The following ATG7 variants were observed in gnomAD, a reference collection of about 807,000 sequenced individuals.
The protein encoded by ATG7 is autophagy related 7.
In ATG7, 70 loss-of-function variants were observed where a neutral mutation model predicts 82.4. That is an observed-to-expected ratio of 0.85 (90% CI 0.70 to 1.04). ATG7 has a LOEUF of 1.04. Ranked by LOEUF, ATG7 falls within the 50% of genes least tolerant of loss-of-function variation. The pLI is 0.00. For synonymous variants in ATG7, 287 were observed against 313.0 expected (o/e 0.92, Z 0.88); for missense variants, 792 against 864.3 (o/e 0.92, Z 1.05).
chr3:11,349,926 G>A (rs2075415255), intron 14 of ATG7, among the ~76,000 whole-genome samples: 1 of 152,130 alleles, frequency 6.6e-6, no homozygotes, highest in African/African-American at 2.4e-5. Context: ...TTAAAATCTT[G>A]ACAGTTTTCT....
intron 20 of ATG7, among the ~76,000 whole-genome samples, chr3:11,480,499 C>T (rs1574920131): frequency 6.6e-6 from 1 of 151,962 alleles, no homozygotes; most frequent in Non-Finnish European, 1.5e-5. Flanking sequence ...CGGCAGGGGG[C>T]CGAGGCTGTA....
At chr3:11,527,800 T>C (rs569848316) in intron 20 of ATG7, among the ~76,000 whole-genome samples, 1 of 152,270 alleles carries the variant, frequency 6.6e-6, no homozygotes, top group Admixed American at 6.5e-5. Flanking sequence ...GTTACAGTTA[T>C]ATAAGGCCTT....
At position 11,557,504 on chromosome 3, in the gene ATG7, C is replaced by T. The variant is rs1230282983; in HGVS notation, c.*2661C>T. 7.2e-5 allele frequency: 11 copies of T among 152,636 alleles called. No homozygotes were observed. The highest frequency in any genetic ancestry group is 4.1e-4 in the South Asian group (2 of 4,822). The allele number at this position is 152,636 out of a possible 1,614,324, so 9.5% of individuals were successfully genotyped here. A position where few individuals can be genotyped will look rare whatever the true frequency, so the allele number is the denominator to read the frequency against. ...GCAGCCAAACTCCAGCATCCCACAC[C>T]GCAGCTGACCCACTGCTCATCGCGA... On this transcript the variant is annotated 3_prime_UTR_variant, in exon 21 of 21. Transcript: ENST00000693202.
At chr3:11,277,603 C>T (rs1210078122) in intron 1 of ATG7, among the ~76,000 whole-genome samples, 3 of 152,056 alleles carry the variant, frequency 2.0e-5, no homozygotes, top group African/African-American at 2.4e-5. Flanking sequence ...AGGGGGTGTG[C>T]GAACAGGGAG....
chr3:11,401,617 C>G (rs1345469846), intron 19 of ATG7, among the ~76,000 whole-genome samples: 2 of 152,172 alleles, frequency 1.3e-5, no homozygotes, highest in Non-Finnish European at 1.5e-5. Flanking sequence ...TAGCATGTAT[C>G]ATGCACAGAA....
rs754198447 is a variant in ATG7, at chr3:11,554,861, G to GCTGA, written c.*21_*24dup. On this transcript the variant is annotated 3_prime_UTR_variant, in exon 21 of 21. Coordinates refer to ENST00000693202, the MANE Select transcript of ATG7 (RefSeq NM_001349232.2). ...CCATCTGAGATGGCCCCGCTGTGGGGCTGACTTCTCCCCGGCCGCCTGCTG... is the reference window on the plus strand; with the variant it reads ...CCATCTGAGATGGCCCCGCTGTGGGGCTGACTGACTTCTCCCCGGCCGCCTGCTG... The GCTGA allele has an allele frequency of 1.1e-5, 17 of 1,611,780 alleles. No individual in the cohort carries two copies. In the African/African-American group the frequency reaches 2.1e-4, roughly 20 times the overall value.
chr3:11,309,590 T>C (rs906314908), intron 7 of ATG7, among the ~76,000 whole-genome samples: 3 of 151,886 alleles, frequency 2.0e-5, no homozygotes, highest in African/African-American at 7.3e-5. Flanking sequence ...GGGTAGGATG[T>C]AGATGGAAGG....
At chr3:11,506,013 T>C (rs77795420) in intron 20 of ATG7, among the ~76,000 whole-genome samples, 5,724 of 152,304 alleles carry the variant, frequency 0.038, 359 homozygotes, top group African/African-American at 0.13. Context: ...CGTAAAGTCA[T>C]GTATTCATAT....
At chr3:11,560,829 G>C (rs879494461), downstream of ATG7, among the ~76,000 whole-genome samples, 8 of 152,144 alleles carry the variant, frequency 5.3e-5, no homozygotes, top group Non-Finnish European at 1.2e-4. Context: ...GAGAGAACCC[G>C]GGCAGGTGGA....
At chr3:11,392,730 C>CA (rs1331395514) in intron 19 of ATG7, among the ~76,000 whole-genome samples, 1 of 152,100 alleles carries the variant, frequency 6.6e-6, no homozygotes, top group Non-Finnish European at 1.5e-5. Context: ...CAACAGGCTT[C>CA]ATTTAGGAAA....
chr3:11,555,586 T>TG lies in ATG7; in HGVS notation c.*747dup, dbSNP rs2072327385. The TG allele has an allele frequency of 6.6e-6, 1 of 152,192 alleles. No homozygotes were observed. The highest frequency in any genetic ancestry group is 1.9e-4 in the East Asian group (1 of 5,188). The allele number at this position is 152,192 out of a possible 1,614,324, so 9.4% of individuals were successfully genotyped here. On this transcript the variant is annotated 3_prime_UTR_variant, in exon 21 of 21. Transcript: ENST00000693202. Reference sequence around the variant, plus strand: ...GGGCAGATCCTGGCAGCTGCCTGGATGGGGCTCCTCCCTGCCCTTATGAGC... The same window carrying TG: ...GGGCAGATCCTGGCAGCTGCCTGGATGGGGGCTCCTCCCTGCCCTTATGAGC...
In ATG7 at chr3:11,288,157, A is replaced by G. The variant is rs148336341; in HGVS notation, c.-11+5719A>G. 4.0e-3 allele frequency among the ~76,000 whole-genome samples: 613 copies of G among 152,346 alleles called. 5 individuals carry two copies. The highest frequency in any genetic ancestry group is 0.014 in the African/African-American group (579 of 41,588). On this transcript the variant is annotated intron_variant, in intron 3 of 20. Transcript: ENST00000693202. The stretch of plus-strand genomic sequence containing the variant: ...TGCCTGATACAGCAATCCTTTGTGC[A>G]GTATTACGTGGCAAATAATCATCCA...
At chr3:11,363,090 G>C (rs2076383110) in intron 17 of ATG7, 162 bp downstream of exon 17, 1 of 607,502 alleles carries the variant, frequency 1.6e-6, no homozygotes, top group Non-Finnish European at 2.9e-6. Flanking sequence ...TCTTTGGGCT[G>C]AGATAACTTG....
chr3:11,429,469 C>G (rs1222826487), intron 20 of ATG7, among the ~76,000 whole-genome samples: 4 of 152,006 alleles, frequency 2.6e-5, no homozygotes, highest in Admixed American at 2.6e-4. Flanking sequence ...GCACTCCAGC[C>G]TGGGCGACAG....
intron 18 of ATG7, among the ~76,000 whole-genome samples, 179 bp from the exon 19 acceptor site, chr3:11,379,793 T>G (rs1275350077): frequency 2.0e-5 from 3 of 152,230 alleles, no homozygotes; most frequent in Non-Finnish European, 1.5e-5. Flanking sequence ...AATATAGTTC[T>G]TCTGCAAACT....
chr3:11,571,919 A>G, the ATG7 span, among the ~76,000 whole-genome samples: 11,659 of 152,136 alleles, frequency 0.077, 943 homozygotes, highest in African/African-American at 0.2. Context: ...CCAGCCTGGG[A>G]AACATGGCAA....
chr3:11,476,086 G>A (rs1374868459), intron 20 of ATG7, among the ~76,000 whole-genome samples: 1 of 152,164 alleles, frequency 6.6e-6, no homozygotes, highest in East Asian at 1.9e-4. Context: ...GTGTTTATGT[G>A]TGCACAGAAA....
chr3:11,276,315 C>A lies in ATG7; in HGVS notation c.-366+3885C>A, dbSNP rs545014913. Among the ~76,000 whole-genome samples the A allele has an allele frequency of 2.0e-5, 3 of 152,312 alleles. 1 individual carries two copies. The highest frequency in any genetic ancestry group is 2.0e-4 in the Admixed American group (3 of 15,298). On this transcript the variant is annotated intron_variant, in intron 1 of 20. Transcript: ENST00000693202. ...AAATGGTGTTTTAAGACTAAGTCCT[C>A]TATTTGTGCTTGAGATCCCATCGCC...
intron 19 of ATG7, among the ~76,000 whole-genome samples, chr3:11,388,212 G>A (rs1272236315): frequency 1.3e-5 from 2 of 152,114 alleles, no homozygotes; most frequent in South Asian, 2.1e-4. Flanking sequence ...AAAGGGAGAT[G>A]CAGGGGCTGA....
Sources: allele counts gnomAD v4.1 joint callset (sites outside exome capture counted in the v4.1 genomes callset), GRCh38; gene constraint gnomAD v4.1.1; transcripts MANE v1.5; gene names NCBI Gene and HGNC (gene_info 2026-07-23, HGNC 2026-07-21).